ADAMTSL3: variants seen among roughly 807,000 people sequenced by gnomAD.
ADAMTSL3 encodes the protein ADAMTS-like protein 3.
ADAMTSL3 carries 128 observed loss-of-function variants against 201.7 expected under a neutral mutation model. The ratio of observed to expected loss-of-function variants is 0.63; its 90% CI spans 0.55 to 0.73. The LOEUF is 0.73. Ranked by LOEUF, ADAMTSL3 falls within the 30% of genes least tolerant of loss-of-function variation. The pLI, the probability that ADAMTSL3 is intolerant of heterozygous loss-of-function variation, is 0.00. For synonymous variants in ADAMTSL3, 738 were observed against 748.4 expected (o/e 0.99, Z 0.23); for missense variants, 1,990 against 2,119.6 (o/e 0.94, Z 1.20).
At chr15:83,931,422 T>C (rs2066353127) in intron 17 of ADAMTSL3, among the ~76,000 whole-genome samples, 1 of 152,200 alleles carries the variant, frequency 6.6e-6, no homozygotes, top group Non-Finnish European at 1.5e-5. Context: ...AAGATGATCA[T>C]CCTGAAGTCA....
intron 16 of ADAMTSL3, among the ~76,000 whole-genome samples, chr15:83,916,157 T>G (rs2066028749): frequency 6.6e-6 from 1 of 152,218 alleles, no homozygotes; most frequent in South Asian, 2.1e-4. Flanking sequence ...AGAAATGCAA[T>G]GCAGTATTCA....
chr15:83,678,171 G>A lies in ADAMTSL3; in HGVS notation c.69+22341G>A, dbSNP rs1054906631. On this transcript the variant is annotated intron_variant, in intron 2 of 29. Transcript: ENST00000286744. ...AATTTTTGTTTCAACTGTCAAATACGTTTAACAAACTCATAAGGAGAAGGA... is the reference window on the plus strand; with the variant it reads ...AATTTTTGTTTCAACTGTCAAATACATTTAACAAACTCATAAGGAGAAGGA... Among the ~76,000 whole-genome samples, 7 of 152,076 alleles carry A rather than the reference G, an allele frequency of 4.6e-5. No homozygotes were observed. In the East Asian group the frequency reaches 7.7e-4, roughly 17 times the overall value.
intron 6 of ADAMTSL3, among the ~76,000 whole-genome samples, chr15:83,829,530 G>A (rs545374728): frequency 6.6e-6 from 1 of 152,086 alleles, no homozygotes; most frequent in African/African-American, 2.4e-5. Flanking sequence ...ATCTCCTTCA[G>A]TTCTGCTCTG....
At chr15:83,912,509 T>C (rs1486669082) in intron 15 of ADAMTSL3, among the ~76,000 whole-genome samples, 1 of 152,236 alleles carries the variant, frequency 6.6e-6, no homozygotes, top group Non-Finnish European at 1.5e-5. Context: ...AATTAAATGC[T>C]TTGTTCAGCA....
intron 23 of ADAMTSL3, among the ~76,000 whole-genome samples, chr15:84,009,612 T>G (rs547883413): frequency 4.6e-5 from 7 of 152,338 alleles, no homozygotes; most frequent in Admixed American, 2.0e-4. Flanking sequence ...CGAAAATATC[T>G]GTGACTTCCA....
chr15:83,951,710 G>A (rs1205762044), intron 19 of ADAMTSL3, among the ~76,000 whole-genome samples: 1 of 152,022 alleles, frequency 6.6e-6, no homozygotes, highest in African/African-American at 2.4e-5. Flanking sequence ...GTCTGTTCAG[G>A]TTTTGGATTT....
chr15:83,942,832 G>T, intron 18 of ADAMTSL3, 44 bp downstream of exon 18: 1 of 1,606,796 alleles, frequency 6.2e-7, no homozygotes, highest in South Asian at 1.1e-5. Context: ...GATTATGACT[G>T]TGAGAGGCCC....
chr15:83,703,890 G>C (rs914495076), intron 2 of ADAMTSL3, among the ~76,000 whole-genome samples: 4 of 151,222 alleles, frequency 2.6e-5, no homozygotes, highest in African/African-American at 9.7e-5. Flanking sequence ...AGGTTGAAAA[G>C]ATTATGGGTG....
At chr15:83,962,437 A>G (rs1254781568) in intron 19 of ADAMTSL3, 1 of 152,194 alleles carries the variant, frequency 6.6e-6, no homozygotes, top group African/African-American at 2.4e-5. Flanking sequence ...GGTTTATTTA[A>G]TCTTCTTTAT....
intron 2 of ADAMTSL3, among the ~76,000 whole-genome samples, chr15:83,690,595 C>T (rs955492946): frequency 2.2e-4 from 34 of 152,174 alleles, no homozygotes; most frequent in African/African-American, 7.7e-4. Context: ...CCTGTGCCCC[C>T]CTAGCACTCT....
intron 4 of ADAMTSL3, 30 bp downstream of exon 4, chr15:83,773,680 G>A (rs781670192): frequency 2.5e-6 from 4 of 1,598,874 alleles, no homozygotes; most frequent in African/African-American, 1.3e-5. Flanking sequence ...GCTCCTGCAT[G>A]TGGAATGTGC....
chr15:83,977,475 A>G (rs909651176), intron 20 of ADAMTSL3, among the ~76,000 whole-genome samples: 10 of 152,176 alleles, frequency 6.6e-5, no homozygotes, highest in Non-Finnish European at 1.3e-4. Flanking sequence ...GTTAGTTAAA[A>G]CTACAAAATC....
intron 15 of ADAMTSL3, among the ~76,000 whole-genome samples, chr15:83,906,272 C>G (rs965498777): frequency 1.3e-5 from 2 of 152,168 alleles, no homozygotes; most frequent in Non-Finnish European, 2.9e-5. Flanking sequence ...AACTTCCCCC[C>G]CAAAAAATTG....
At chr15:83,823,962 T>TTCA (rs1567169928) in intron 6 of ADAMTSL3, among the ~76,000 whole-genome samples, 7 of 80,872 alleles carry the variant, frequency 8.7e-5, no homozygotes, top group African/African-American at 2.3e-4. Flanking sequence ...CTTCTTCTTC[T>TTCA]TCTTCTTCTT....
intron 6 of ADAMTSL3, among the ~76,000 whole-genome samples, chr15:83,827,284 GTC>G (rs1350178600): frequency 6.6e-6 from 1 of 152,148 alleles, no homozygotes; most frequent in East Asian, 1.9e-4. Flanking sequence ...TTTTTCATGT[GTC>G]TGTTGGCTGT....
chr15:83,784,222 G>C (rs1254081607), intron 4 of ADAMTSL3, among the ~76,000 whole-genome samples: 1 of 152,144 alleles, frequency 6.6e-6, no homozygotes, highest in Non-Finnish European at 1.5e-5. Flanking sequence ...CTCATTGAGT[G>C]AGACCTTATG....
At chr15:83,837,692 C>G (rs937586283) in intron 6 of ADAMTSL3, among the ~76,000 whole-genome samples, 1 of 151,168 alleles carries the variant, frequency 6.6e-6, no homozygotes, top group Middle Eastern at 3.2e-3. Flanking sequence ...ATCCCAGCTA[C>G]TTGGGAGGCT....
intron 17 of ADAMTSL3, among the ~76,000 whole-genome samples, chr15:83,938,759 C>G (rs2066504185): frequency 6.6e-6 from 1 of 152,100 alleles, no homozygotes; most frequent in Admixed American, 6.5e-5. Flanking sequence ...TCATAACTTT[C>G]TTAGTGCTTT....
chr15:83,699,702 A>T (rs577343584), intron 2 of ADAMTSL3, among the ~76,000 whole-genome samples: 1 of 152,252 alleles, frequency 6.6e-6, no homozygotes, highest in South Asian at 2.1e-4. Context: ...TCCGCACTGA[A>T]TTCAGCCACA....
Sources: allele counts gnomAD v4.1 joint callset (sites outside exome capture counted in the v4.1 genomes callset), GRCh38; gene constraint gnomAD v4.1.1; transcripts MANE v1.5; gene names NCBI Gene and HGNC (gene_info 2026-07-23, HGNC 2026-07-21).